The following ZPBP variants were observed in gnomAD, a reference collection of about 807,000 sequenced individuals.
ZPBP encodes the protein zona pellucida-binding protein 1.
A neutral mutation model predicts 44.8 loss-of-function variants in ZPBP; 26 were observed. The ratio of observed to expected loss-of-function variants is 0.58; its 90% CI spans 0.43 to 0.81. The LOEUF is 0.81. Among genes scored for constraint, ZPBP ranks in the 30% least tolerant of loss-of-function variants. The pLI is 0.00. For synonymous variants in ZPBP, 174 were observed against 153.2 expected (o/e 1.14, Z -1.00); for missense variants, 409 against 434.0 (o/e 0.94, Z 0.51).
intron 7 of ZPBP, among the ~76,000 whole-genome samples, chr7:49,948,143 G>A (rs552324299): frequency 3.3e-5 from 5 of 152,270 alleles, no homozygotes; most frequent in South Asian, 2.1e-4. Flanking sequence ...ATCCAGGAGC[G>A]ATGGCCTGGA....
chr7:49,997,933 T>G (rs1437177705), intron 6 of ZPBP, among the ~76,000 whole-genome samples: 1 of 150,734 alleles, frequency 6.6e-6, no homozygotes, highest in Non-Finnish European at 1.5e-5. Context: ...TTCATTTATT[T>G]TTGAGACAGA....
intron 2 of ZPBP, among the ~76,000 whole-genome samples, chr7:49,860,792 T>C (rs692478): frequency 0.098 from 14,946 of 152,144 alleles, 2,132 homozygotes; most frequent in African/African-American, 0.31. Context: ...TCTAATAGGG[T>C]TGGTCTCCCT....
At chr7:49,925,266 T>C (rs192591720) in intron 1 of ZPBP, among the ~76,000 whole-genome samples, 2 of 152,282 alleles carry the variant, frequency 1.3e-5, no homozygotes, top group Non-Finnish European at 2.9e-5. Context: ...ACACACACAG[T>C]GAGTACGTAT....
At chr7:49,950,073 T>A (rs1202945596) in intron 7 of ZPBP, among the ~76,000 whole-genome samples, 1 of 151,932 alleles carries the variant, frequency 6.6e-6, no homozygotes, top group African/African-American at 2.4e-5. Flanking sequence ...GCACTGTGTG[T>A]CATAGCAAAA....
At chr7:49,894,495 G>T (rs1792284259) in intron 2 of ZPBP, among the ~76,000 whole-genome samples, 2 of 152,228 alleles carry the variant, frequency 1.3e-5, no homozygotes, top group Admixed American at 1.3e-4. Flanking sequence ...CCAAAACATA[G>T]TGGCAATTTA....
At position 49,851,077 on chromosome 7, in the gene ZPBP, C is replaced by T. The variant is rs1177751136; in HGVS notation, n.510-563G>A. The stretch of plus-strand genomic sequence containing the variant: ...CAGAGTCAGTTTCTTCTGGAGGTTC[C>T]GACGGCTGCTCCCTTACATGCCTCT... On this transcript the variant is annotated intron_variant and non_coding_transcript_variant, in intron 2 of 2. Transcript: ENST00000465922. Among the ~76,000 whole-genome samples the T allele has an allele frequency of 3.3e-5, 5 of 152,148 alleles. No individual in the cohort carries two copies. In the East Asian group the frequency reaches 5.8e-4, roughly 18 times the overall value.
At chr7:50,067,540 C>A (rs897796983) in intron 3 of ZPBP, among the ~76,000 whole-genome samples, 1 of 152,178 alleles carries the variant, frequency 6.6e-6, no homozygotes, top group Non-Finnish European at 1.5e-5. Flanking sequence ...GTATACCTAG[C>A]TCAGCAGACT....
intron 3 of ZPBP, among the ~76,000 whole-genome samples, chr7:50,071,656 G>A (rs1801844800): frequency 6.6e-6 from 1 of 152,112 alleles, no homozygotes; most frequent in South Asian, 2.1e-4. Context: ...GGAGGACGCT[G>A]TCTTGCATCT....
At chr7:50,090,016 C>T (rs1476198991) in intron 1 of ZPBP, among the ~76,000 whole-genome samples, 1 of 152,136 alleles carries the variant, frequency 6.6e-6, no homozygotes, top group Non-Finnish European at 1.5e-5. Context: ...TCCTTCAAAC[C>T]TCGTTTGTCC....
At chr7:49,969,721 A>G (rs1301825195) in intron 7 of ZPBP, among the ~76,000 whole-genome samples, 1 of 151,900 alleles carries the variant, frequency 6.6e-6, no homozygotes, top group Non-Finnish European at 1.5e-5. Context: ...CTGTATAAAA[A>G]TGAAAATATA....
intron 2 of ZPBP, among the ~76,000 whole-genome samples, chr7:49,886,671 G>A (rs2128728945): frequency 6.6e-6 from 1 of 152,194 alleles, no homozygotes; most frequent in East Asian, 1.9e-4. Flanking sequence ...TAGTGTCAGA[G>A]GGGTTTGTTG....
chr7:49,983,192 T>C (rs563288221), intron 7 of ZPBP, 150 bp downstream of exon 7: 1 of 746,544 alleles, frequency 1.3e-6, no homozygotes, highest in South Asian at 2.0e-5. Context: ...TTCACATCTT[T>C]AGATTCACTT....
intron 2 of ZPBP, among the ~76,000 whole-genome samples, chr7:49,859,045 C>T (rs1790541731): frequency 6.6e-6 from 1 of 152,204 alleles, no homozygotes; most frequent in South Asian, 2.1e-4. Context: ...GCAGGTGCTA[C>T]TAGTGACACA....
chr7:49,983,251 G>C, intron 7 of ZPBP, 91 bp downstream of exon 7: 1 of 1,099,946 alleles, frequency 9.1e-7, no homozygotes. Flanking sequence ...CTAAATGATA[G>C]TAAAAATAAG....
Position 50,031,222 on chromosome 7 carries a change from C to A in ZPBP, c.576G>T (p.Lys192Asn), listed in dbSNP as rs1799592021. ...GTTTGCTTAAAATCTGAAGAAGTTT[C>A]TTCTCAAAAGAAATATTATAAATGC... ...CNSIYNISFE[K>N]KLLQILSKLL... The change falls in exon 5 of 8, where the codon AAG becomes AAT. Residue 192 changes from lysine (K) to asparagine (N), a missense_variant. Lys to Asn is a moderately conservative substitution (Grantham distance 94, BLOSUM62 0). Around this residue, in one of 2 missense-constraint regions of ZPBP, gnomAD observed 367 missense variants for 363.1 expected, o/e 1.01. Transcript: ENST00000046087. 6.2e-7 allele frequency: 1 copy of A among 1,613,170 alleles called. No individual in the cohort carries two copies. Among genetic ancestry groups the A allele is most frequent in the African/African-American group, 1.3e-5 (1 of 74,878 alleles).
chr7:49,853,962 G>C (rs1392814338), intron 2 of ZPBP, among the ~76,000 whole-genome samples: 1 of 150,986 alleles, frequency 6.6e-6, no homozygotes, highest in Non-Finnish European at 1.5e-5. Context: ...AGAACATGCG[G>C]TGTTTGGTTT....
chr7:49,910,460 G>T (rs1274893231), intron 1 of ZPBP, among the ~76,000 whole-genome samples: 1 of 152,174 alleles, frequency 6.6e-6, no homozygotes. Context: ...TTTGCAAACT[G>T]TTGAAGATAA....
rs139980675 is a variant in ZPBP at position 49,907,121 on chromosome 7, A to C, written n.412-5906T>G. Among the ~76,000 whole-genome samples, 406 of 152,340 alleles carry C rather than the reference A, an allele frequency of 2.7e-3. 1 individual carries two copies. The highest frequency in any genetic ancestry group is 9.0e-3 in the African/African-American group (375 of 41,576). ...GACATGTTTTTAGGTGAAAAAAAGC[A>C]AAGTACACAGCATTAAGAAGTATGT... On this transcript the variant is annotated intron_variant and non_coding_transcript_variant, in intron 1 of 2. Coordinates refer to the ZPBP transcript ENST00000465922.
chr7:49,878,465 T>C (rs1430109764), intron 2 of ZPBP, among the ~76,000 whole-genome samples: 1 of 152,180 alleles, frequency 6.6e-6, no homozygotes, highest in Non-Finnish European at 1.5e-5. Flanking sequence ...AATTCTTAAA[T>C]AATGTATTTG....
Sources: gnomAD v4.1 joint callset for allele counts (sites outside exome capture counted in the v4.1 genomes callset) on GRCh38, gnomAD v4.1.1 for gene constraint, gnomAD v4.1.1 regional missense constraint, MANE v1.5 for transcripts, NCBI Gene and HGNC (gene_info 2026-07-23, HGNC 2026-07-21) for gene names.